Variants in DNAH9 observed in about 807,000 individuals in gnomAD.
DNAH9 encodes the protein dynein axonemal heavy chain 9.
A neutral mutation model predicts 471.6 loss-of-function variants in DNAH9; 345 were observed. The observed-to-expected ratio is 0.73, with a 90% confidence interval of 0.67 to 0.80. The LOEUF (loss-of-function observed/expected upper bound fraction) is 0.80, where lower values mean the gene tolerates loss of function less well. DNAH9 is among the 30% of genes least tolerant of loss of function. The probability of loss-of-function intolerance (pLI) is 0.00; values close to 1 mark genes in which losing one functional copy is unlikely to be tolerated. For synonymous variants in DNAH9, 2,093 were observed against 2,123.6 expected (o/e 0.99, Z 0.40); for missense variants, 5,407 against 5,609.2 (o/e 0.96, Z 1.15).
chr17:11,687,834 A>C (rs2074264908), intron 19 of DNAH9, among the ~76,000 whole-genome samples: 1 of 151,944 alleles, frequency 6.6e-6, no homozygotes, highest in Non-Finnish European at 1.5e-5. Flanking sequence ...AGTGCCCTTG[A>C]CCATAAAAAA....
At position 11,623,042 on chromosome 17, in the gene DNAH9, C is replaced by T. The variant is rs565507919; in HGVS notation, c.1350+3261C>T. On this transcript the variant is annotated intron_variant, in intron 6 of 68. Coordinates refer to ENST00000262442, the MANE Select transcript of DNAH9 (RefSeq NM_001372.4). This position sits in a 1 kb window ranked among gnomAD's most constrained non-coding sequence, Gnocchi z 4.1. ...AGGCTGGAGTGCAGTGGCACAATCTCGGCTCACGACAACCTCTGCCTCCTG... is the reference window on the plus strand; with the variant it reads ...AGGCTGGAGTGCAGTGGCACAATCTTGGCTCACGACAACCTCTGCCTCCTG... Among the ~76,000 whole-genome samples the T allele has an allele frequency of 1.0e-4, 15 of 148,162 alleles. No homozygotes were observed. The highest frequency in any genetic ancestry group is 2.0e-4 in the East Asian group (1 of 4,950).
At chr17:11,772,387 G>A (rs1168001256) in intron 38 of DNAH9, among the ~76,000 whole-genome samples, 3 of 152,136 alleles carry the variant, frequency 2.0e-5, no homozygotes, top group East Asian at 3.9e-4. Context: ...TTCTCACACT[G>A]CCCTGACCTG....
chr17:11,649,731 T>C (rs2073465811), intron 12 of DNAH9, among the ~76,000 whole-genome samples: 1 of 152,220 alleles, frequency 6.6e-6, no homozygotes, highest in African/African-American at 2.4e-5. Context: ...TGTTGTTCAA[T>C]TTGCATGTAT....
intron 28 of DNAH9, among the ~76,000 whole-genome samples, chr17:11,732,249 G>A (rs973670518): frequency 6.6e-6 from 1 of 152,160 alleles, no homozygotes; most frequent in Non-Finnish European, 1.5e-5. Context: ...AAGTTTAACT[G>A]GGGGGTCCCT....
intron 1 of DNAH9, 48 bp from the exon 2 acceptor site, chr17:11,608,081 C>G: frequency 7.1e-7 from 1 of 1,417,920 alleles, no homozygotes; most frequent in South Asian, 1.4e-5. Flanking sequence ...TCTTTAAGTT[C>G]TCAGAATTGG....
intron 14 of DNAH9, 48 bp downstream of exon 14, chr17:11,653,050 C>A: frequency 6.3e-7 from 1 of 1,591,702 alleles, no homozygotes; most frequent in Admixed American, 1.7e-5. Context: ...TTAGGGAAAG[C>A]ATCAAAAAGT....
intron 56 of DNAH9, chr17:11,884,732 C>A: frequency 5.6e-6 from 2 of 356,400 alleles, no homozygotes; most frequent in South Asian, 4.3e-5. Context: ...ATGTGACCAC[C>A]AGGTTCCACT....
intron 43 of DNAH9, among the ~76,000 whole-genome samples, chr17:11,798,248 C>T (rs531388603): frequency 4.0e-5 from 6 of 151,750 alleles, no homozygotes; most frequent in South Asian, 2.1e-4. Flanking sequence ...CTGGCTAACA[C>T]GGTGAAACCC....
chr17:11,695,865 C>A (rs2074467700), intron 22 of DNAH9, among the ~76,000 whole-genome samples: 1 of 152,194 alleles, frequency 6.6e-6, no homozygotes, highest in East Asian at 1.9e-4. Flanking sequence ...TGGATGAGTT[C>A]TTTTTCCTCA....
intron 38 of DNAH9, among the ~76,000 whole-genome samples, chr17:11,771,737 C>T (rs1368397982): frequency 6.6e-6 from 1 of 152,146 alleles, no homozygotes; most frequent in East Asian, 1.9e-4. Context: ...AGATTACCAG[C>T]TCTGCCCATT....
At chr17:11,904,943 G>A (rs1021125675) in intron 60 of DNAH9, among the ~76,000 whole-genome samples, 5 of 151,988 alleles carry the variant, frequency 3.3e-5, no homozygotes, top group Non-Finnish European at 5.9e-5. Flanking sequence ...AATAAAACAT[G>A]AGAGAATAGG....
At position 11,965,241 on chromosome 17, in the gene DNAH9, CAG is replaced by C. The variant is rs1424865362; in HGVS notation, c.13233+2986_13233+2987del. On this transcript the variant is annotated intron_variant, in intron 68 of 68. Transcript: ENST00000262442. ...AGCTAACCTTGAGGTTCTAGGAAAACAGGGGAGTGAAATCTAAGCAGAGTTTT... is the reference window on the plus strand; with the variant it reads ...AGCTAACCTTGAGGTTCTAGGAAAACGGGAGTGAAATCTAAGCAGAGTTTT... 3.9e-5 allele frequency among the ~76,000 whole-genome samples: 6 copies of C among 152,282 alleles called. 1 individual carries two copies. The highest frequency in any genetic ancestry group is 7.2e-5 in the African/African-American group (3 of 41,546).
At chr17:11,886,155 T>A (rs1308024388) in intron 56 of DNAH9, among the ~76,000 whole-genome samples, 1 of 152,168 alleles carries the variant, frequency 6.6e-6, no homozygotes, top group Non-Finnish European at 1.5e-5. Flanking sequence ...AAACCCCTTC[T>A]CTACTAAAAA....
At chr17:11,784,581 T>A (rs759367851) in intron 41 of DNAH9, 42 bp downstream of exon 41, 3 of 1,612,564 alleles carry the variant, frequency 1.9e-6, no homozygotes, top group Non-Finnish European at 2.5e-6. Flanking sequence ...GCTTAGTGAT[T>A]ATCCAGATGC....
chr17:11,905,854 G>T, intron 61 of DNAH9, 45 bp downstream of exon 61: 1 of 1,554,614 alleles, frequency 6.4e-7, no homozygotes, highest in Non-Finnish European at 8.7e-7. Context: ...TTTGCCCCAT[G>T]CACTTTCATT....
rs188131645 is a variant in DNAH9 at position 11,694,712 on chromosome 17, C to T, written c.4872+265C>T. On this transcript the variant is annotated intron_variant, in intron 22 of 68. Transcript: ENST00000262442. ...TCGCTTTCTCGCTTTCTCTCTCTCT[C>T]TCTCTCTCTCTCTCTTTCTCTTTCT... 7.9e-3 allele frequency among the ~76,000 whole-genome samples: 35 copies of T among 4,428 alleles called. 8 individuals carry two copies. The highest frequency in any genetic ancestry group is 9.2e-3 in the African/African-American group (31 of 3,354). 2.9% of individuals were successfully genotyped at this position (4,428 alleles called of 152,430 possible). A position where few individuals can be genotyped will look rare whatever the true frequency, so the allele number is the denominator to read the frequency against.
At chr17:11,762,960 T>C (rs1186817383) in intron 35 of DNAH9, among the ~76,000 whole-genome samples, 11 of 151,982 alleles carry the variant, frequency 7.2e-5, no homozygotes, top group Middle Eastern at 3.4e-3. Flanking sequence ...TTTGTATTTT[T>C]AGTAGAGACG....
At chr17:11,621,086 G>C (rs1041314712) in intron 6 of DNAH9, among the ~76,000 whole-genome samples, 1 of 151,990 alleles carries the variant, frequency 6.6e-6, no homozygotes, top group Non-Finnish European at 1.5e-5. Flanking sequence ...AGACTTAAAC[G>C]GATTTGAGAA....
intron 13 of DNAH9, among the ~76,000 whole-genome samples, chr17:11,652,495 C>T (rs1285539082): frequency 6.6e-6 from 1 of 151,856 alleles, no homozygotes; most frequent in Non-Finnish European, 1.5e-5. Context: ...CCGTGTTAGC[C>T]AGGATGGTCT....
Sources: gnomAD v4.1 joint callset for allele counts (sites outside exome capture counted in the v4.1 genomes callset) on GRCh38, gnomAD v4.1.1 for gene constraint, Gnocchi (gnomAD v3.1) non-coding constraint, MANE v1.5 for transcripts, NCBI Gene and HGNC (gene_info 2026-07-23, HGNC 2026-07-21) for gene names.